Variants in INPP5A observed in about 807,000 individuals in gnomAD.
The protein encoded by INPP5A is 43 kDa inositol polyphosphate 5-phophatase.
Under a neutral mutation model 65.2 loss-of-function variants are expected in INPP5A, and 14 were observed. The ratio of observed to expected loss-of-function variants is 0.21; its 90% CI spans 0.14 to 0.34. The LOEUF (loss-of-function observed/expected upper bound fraction) is 0.34, where lower values mean the gene tolerates loss of function less well. Ranked by LOEUF, INPP5A falls within the 10% of genes least tolerant of loss-of-function variation. The pLI is 1.00. For synonymous variants in INPP5A, 207 were observed against 208.3 expected, an observed-to-expected ratio of 0.99 and a Z score of 0.05; for missense variants, 431 against 545.6, an observed-to-expected ratio of 0.79 and a Z score of 2.09.
rs531101036 is a variant in INPP5A, at chr10:132,678,714, C to G, written c.307-11678C>G. Among the ~76,000 whole-genome samples, 1 of 152,330 alleles carries G rather than the reference C, an allele frequency of 6.6e-6. No homozygotes were observed. The highest frequency in any genetic ancestry group is 2.4e-5 in the African/African-American group (1 of 41,560). ...CCTGCCCTCAGGGGGCTTCCCTTCC[C>G]TGAAAGAATTTAGATGAGGAAACCA... On this transcript the variant is annotated intron_variant, in intron 4 of 15. Coordinates refer to ENST00000368594, the MANE Select transcript of INPP5A (RefSeq NM_005539.5). This position sits in a 1 kb window ranked among gnomAD's most constrained non-coding sequence, Gnocchi z 4.1.
intron 4 of INPP5A, among the ~76,000 whole-genome samples, chr10:132,671,405 G>A (rs1035482190): frequency 1.1e-4 from 17 of 149,794 alleles, no homozygotes; most frequent in African/African-American, 3.0e-4. Flanking sequence ...TCTGGACTCC[G>A]CCCTCCCTGC....
At chr10:132,744,812 C>T (rs1846339434) in intron 9 of INPP5A, among the ~76,000 whole-genome samples, 1 of 152,192 alleles carries the variant, frequency 6.6e-6, no homozygotes, top group Non-Finnish European at 1.5e-5. Context: ...GAGCCTGAGG[C>T]GACCTGCAGG....
intron 8 of INPP5A, among the ~76,000 whole-genome samples, chr10:132,715,589 C>T (rs1276278101): frequency 3.9e-5 from 6 of 152,224 alleles, no homozygotes; most frequent in South Asian, 2.1e-4. Context: ...AGCTGTCAGC[C>T]GCTCAAAGAG....
At chr10:132,738,029 G>A (rs1372687858) in intron 9 of INPP5A, among the ~76,000 whole-genome samples, 2 of 152,154 alleles carry the variant, frequency 1.3e-5, no homozygotes, top group Admixed American at 1.3e-4. Flanking sequence ...AACAAAAGAC[G>A]CTTGGCATTT....
intron 11 of INPP5A, among the ~76,000 whole-genome samples, chr10:132,754,361 CCT>C (rs1321698154): frequency 6.6e-6 from 1 of 152,240 alleles, no homozygotes; most frequent in Non-Finnish European, 1.5e-5. Flanking sequence ...GGCCAGGACA[CCT>C]CTGTCAGGAG....
intron 10 of INPP5A, 68 bp downstream of exon 10, chr10:132,749,680 A>G: frequency 2.5e-6 from 4 of 1,599,820 alleles, no homozygotes; most frequent in Non-Finnish European, 3.4e-6. Context: ...CTTCCTTCAG[A>G]GCCGCCCTGC....
In INPP5A at chr10:132,603,187, G is replaced by A. The variant is rs953861818; in HGVS notation, c.76-4728G>A. ...AGGGGAAGAGTTGGGCCTTCTGGGC[G>A]GCTGTGGGCCAGGCTGCCTCTGGCA... On this transcript the variant is annotated intron_variant, in intron 1 of 15. Coordinates refer to ENST00000368594, the MANE Select transcript of INPP5A (RefSeq NM_005539.5). The surrounding 1 kb of genome is among the most constrained non-coding windows in gnomAD (Gnocchi z 4.2). Among the ~76,000 whole-genome samples the A allele has an allele frequency of 1.2e-4, 18 of 152,148 alleles. No individual in the cohort carries two copies. The highest frequency in any genetic ancestry group is 3.9e-4 in the African/African-American group (16 of 41,420).
rs1171151973 is a variant in INPP5A, at chr10:132,697,590, G to A, written c.371-226G>A. Among the ~76,000 whole-genome samples, 1 of 152,200 alleles carries A rather than the reference G, an allele frequency of 6.6e-6. No homozygotes were observed. Among genetic ancestry groups the A allele is most frequent in the Non-Finnish European group, 1.5e-5 (1 of 68,042 alleles). On this transcript the variant is annotated intron_variant, in intron 5 of 15. Coordinates refer to ENST00000368594, the MANE Select transcript of INPP5A (RefSeq NM_005539.5). The surrounding 1 kb of genome is among the most constrained non-coding windows in gnomAD (Gnocchi z 5.6). ...GGGAGCTCTCAGGCGATAATGGAGT[G>A]GAGTGTCAGATTCCAGGTCATGGGA...
At chr10:132,615,039 G>C (rs2072012654) in intron 2 of INPP5A, among the ~76,000 whole-genome samples, 1 of 152,240 alleles carries the variant, frequency 6.6e-6, no homozygotes, top group African/African-American at 2.4e-5. Context: ...CCAGCGTTGG[G>C]TCAGTGTGGA....
At chr10:132,590,479 G>A (rs545972755) in intron 1 of INPP5A, among the ~76,000 whole-genome samples, 1 of 152,150 alleles carries the variant, frequency 6.6e-6, no homozygotes, top group Admixed American at 6.5e-5. Context: ...AGAGGAGTGT[G>A]GGGGAGACAC....
At chr10:132,636,177 G>GTGTGTA in intron 2 of INPP5A, among the ~76,000 whole-genome samples, 1 of 151,922 alleles carries the variant, frequency 6.6e-6, no homozygotes, top group Non-Finnish European at 1.5e-5. Context: ...GTGTGTGTGT[G>GTGTGTA]TGTGTGTGTG....
At chr10:132,594,921 C>G (rs746743975) in intron 1 of INPP5A, among the ~76,000 whole-genome samples, 3 of 152,140 alleles carry the variant, frequency 2.0e-5, no homozygotes, top group Non-Finnish European at 4.4e-5. Flanking sequence ...ACATTCTGGC[C>G]AAAGTGGCTT....
intron 12 of INPP5A, among the ~76,000 whole-genome samples, chr10:132,766,587 G>T (rs1846849379): frequency 6.6e-6 from 1 of 152,200 alleles, no homozygotes; most frequent in Non-Finnish European, 1.5e-5. Flanking sequence ...TCGCGTACAT[G>T]GTTGCATATG....
chr10:132,702,541 G>T (rs1293723688), intron 6 of INPP5A, among the ~76,000 whole-genome samples: 1 of 152,198 alleles, frequency 6.6e-6, no homozygotes, highest in African/African-American at 2.4e-5. Flanking sequence ...ACTGTTGACG[G>T]TTATCGCAAA....
chr10:132,681,263 C>T (rs1473988903), intron 4 of INPP5A, among the ~76,000 whole-genome samples: 1 of 152,168 alleles, frequency 6.6e-6, no homozygotes, highest in Non-Finnish European at 1.5e-5. Flanking sequence ...GCAAGCTGCC[C>T]GAGCCAGCAG....
At chr10:132,728,967 G>T (rs866352986) in intron 9 of INPP5A, among the ~76,000 whole-genome samples, 1 of 152,062 alleles carries the variant, frequency 6.6e-6, no homozygotes, top group South Asian at 2.1e-4. Flanking sequence ...AGGCGTGGGG[G>T]TCCTGGACGC....
rs560541155 is a variant in INPP5A, at chr10:132,555,178, G to T, written c.75+17007G>T. On this transcript the variant is annotated intron_variant, in intron 1 of 15. Coordinates refer to ENST00000368594, the MANE Select transcript of INPP5A (RefSeq NM_005539.5). This position sits in a 1 kb window ranked among gnomAD's most constrained non-coding sequence, Gnocchi z 4.4. ...ATAGATGGCATGGTGGGGTGGGGGG[G>T]TGTGGATGGCAAGCGGCAGGACCAG... 1.3e-5 allele frequency among the ~76,000 whole-genome samples: 2 copies of T among 151,862 alleles called. No homozygotes were observed. Among genetic ancestry groups the T allele is most frequent in the Non-Finnish European group, 2.9e-5 (2 of 67,936 alleles).
In INPP5A at chr10:132,547,759, C is replaced by G. The variant is rs760876802; in HGVS notation, c.75+9588C>G. On this transcript the variant is annotated intron_variant, in intron 1 of 15. Transcript: ENST00000368594. The surrounding 1 kb of genome is among the most constrained non-coding windows in gnomAD (Gnocchi z 5.5). ...CTTCACGGGACAGCCCGCGTGCCCCCAGCCCTGTGACGCGCTCTTGGTGAC... is the reference window on the plus strand; with the variant it reads ...CTTCACGGGACAGCCCGCGTGCCCCGAGCCCTGTGACGCGCTCTTGGTGAC... Among the ~76,000 whole-genome samples the G allele has an allele frequency of 6.6e-6, 1 of 152,198 alleles. No individual in the cohort carries two copies. Among genetic ancestry groups the G allele is most frequent in the South Asian group, 2.1e-4 (1 of 4,828 alleles).
In INPP5A at chr10:132,762,247, A is replaced by C. The variant is rs974808012; in HGVS notation, c.904-3526A>C. Among the ~76,000 whole-genome samples, 1 of 152,260 alleles carries C rather than the reference A, an allele frequency of 6.6e-6. No individual in the cohort carries two copies. The highest frequency in any genetic ancestry group is 2.4e-5 in the African/African-American group (1 of 41,476). On this transcript the variant is annotated intron_variant, in intron 11 of 15. Coordinates refer to ENST00000368594, the MANE Select transcript of INPP5A (RefSeq NM_005539.5). This position sits in a 1 kb window ranked among gnomAD's most constrained non-coding sequence, Gnocchi z 4.6. ...CAGAATTATCCAAGACATAAACCTCAGGAAGCATGGTGAGTCCTGAGCAGG... is the reference window on the plus strand; with the variant it reads ...CAGAATTATCCAAGACATAAACCTCCGGAAGCATGGTGAGTCCTGAGCAGG...
Sources: gnomAD v4.1 joint callset for allele counts (sites outside exome capture counted in the v4.1 genomes callset) on GRCh38, gnomAD v4.1.1 for gene constraint, Gnocchi (gnomAD v3.1) non-coding constraint, MANE v1.5 for transcripts, NCBI Gene and HGNC (gene_info 2026-07-23, HGNC 2026-07-21) for gene names.